TBC1D5: variants seen among roughly 807,000 people sequenced by gnomAD.
TBC1D5 encodes the protein TBC1 domain family member 5, also known as TBC1 domain family, member 5.
Under a neutral mutation model 100.3 loss-of-function variants are expected in TBC1D5, and 75 were observed. That is an observed-to-expected ratio of 0.75 (90% CI 0.62 to 0.91). The LOEUF (loss-of-function observed/expected upper bound fraction) is 0.91, where lower values mean the gene tolerates loss of function less well. Ranked by LOEUF, TBC1D5 falls within the 40% of genes least tolerant of loss-of-function variation. The pLI is 0.00. For missense variants in TBC1D5, 910 were observed against 942.4 expected, an observed-to-expected ratio of 0.97 and a Z score of 0.45; for synonymous variants, 323 against 325.6, an observed-to-expected ratio of 0.99 and a Z score of 0.09.
chr3:17,646,753 C>A (rs1225073611), intron 1 of TBC1D5, among the ~76,000 whole-genome samples: 2 of 152,080 alleles, frequency 1.3e-5, no homozygotes, highest in Admixed American at 6.6e-5. Flanking sequence ...TTGGTAGTAT[C>A]CATGGTCTCT....
chr3:17,406,068 T>C (rs574219970), intron 5 of TBC1D5, among the ~76,000 whole-genome samples: 2 of 152,120 alleles, frequency 1.3e-5, no homozygotes, highest in South Asian at 2.1e-4. Context: ...TTTGATATAA[T>C]AGGAACCTAA....
chr3:17,688,157 TA>T (rs1190605033), intron 1 of TBC1D5, among the ~76,000 whole-genome samples: 1 of 151,994 alleles, frequency 6.6e-6, no homozygotes. Flanking sequence ...CAGTATTAAA[TA>T]AAAAAATATA....
At chr3:17,633,305 G>C (rs1453424931) in intron 1 of TBC1D5, among the ~76,000 whole-genome samples, 1 of 152,072 alleles carries the variant, frequency 6.6e-6, no homozygotes, top group Non-Finnish European at 1.5e-5. Context: ...AGGTGTGGTG[G>C]TGCACACCTA....
chr3:17,583,002 G>A (rs948328801), intron 2 of TBC1D5, among the ~76,000 whole-genome samples: 8 of 151,880 alleles, frequency 5.3e-5, no homozygotes, highest in Admixed American at 2.6e-4. Context: ...AATAAAATAC[G>A]GGCCAGGAAT....
intron 3 of TBC1D5, among the ~76,000 whole-genome samples, chr3:17,486,720 TA>T (rs1225316479): frequency 9.8e-5 from 15 of 152,306 alleles, no homozygotes; most frequent in African/African-American, 3.6e-4. Context: ...TGTGGCATTT[TA>T]AGTAGCCCAC....
At chr3:17,197,497 C>T (rs2125737762) in intron 18 of TBC1D5, among the ~76,000 whole-genome samples, 1 of 152,238 alleles carries the variant, frequency 6.6e-6, no homozygotes, top group South Asian at 2.1e-4. Flanking sequence ...TCACCTCAAC[C>T]TCCCAAATAG....
At chr3:17,666,443 A>G (rs1475455143) in intron 1 of TBC1D5, among the ~76,000 whole-genome samples, 2 of 152,268 alleles carry the variant, frequency 1.3e-5, no homozygotes, top group South Asian at 2.1e-4. Context: ...TAGAATCACC[A>G]TTTCTAAAAT....
intron 3 of TBC1D5, among the ~76,000 whole-genome samples, chr3:17,475,829 A>T (rs1014334491): frequency 6.6e-6 from 1 of 152,084 alleles, no homozygotes; most frequent in Non-Finnish European, 1.5e-5. Context: ...ATTTTCTTGT[A>T]ATGCCAAGTT....
At chr3:17,287,623 T>C (rs1175207438) in intron 15 of TBC1D5, among the ~76,000 whole-genome samples, 2 of 152,234 alleles carry the variant, frequency 1.3e-5, no homozygotes, top group Non-Finnish European at 2.9e-5. Flanking sequence ...ATAGGGTTGT[T>C]GATTAATGTC....
chr3:17,713,736 T>C (rs2074980773), intron 1 of TBC1D5, among the ~76,000 whole-genome samples: 1 of 152,228 alleles, frequency 6.6e-6, no homozygotes. Flanking sequence ...TGAATACACA[T>C]ATCTCCAAAG....
intron 1 of TBC1D5, among the ~76,000 whole-genome samples, chr3:17,722,066 T>C (rs931815399): frequency 2.0e-5 from 3 of 152,196 alleles, no homozygotes; most frequent in Non-Finnish European, 4.4e-5. Context: ...ACCAACGTTA[T>C]GGGAAACTAA....
chr3:17,722,865 A>G (rs1271503706), intron 1 of TBC1D5, among the ~76,000 whole-genome samples: 1 of 152,168 alleles, frequency 6.6e-6, no homozygotes, highest in East Asian at 1.9e-4. Context: ...TGGATGAAAA[A>G]CACATCTCCC....
chr3:17,548,687 G>A (rs920120644), intron 2 of TBC1D5, among the ~76,000 whole-genome samples: 8 of 151,968 alleles, frequency 5.3e-5, no homozygotes, highest in African/African-American at 9.7e-5. Context: ...TTATTCCTCC[G>A]TGTAACAAAG....
At chr3:17,431,417 T>C (rs2094445768) in intron 3 of TBC1D5, among the ~76,000 whole-genome samples, 1 of 152,006 alleles carries the variant, frequency 6.6e-6, no homozygotes, top group Non-Finnish European at 1.5e-5. Context: ...ACTTTAAAGG[T>C]ATTTCAATAT....
At chr3:17,738,932 T>C (rs1325590361) in intron 1 of TBC1D5, among the ~76,000 whole-genome samples, 1 of 152,208 alleles carries the variant, frequency 6.6e-6, no homozygotes, top group East Asian at 1.9e-4. Flanking sequence ...ATGATAAACA[T>C]TTTCCTAAAC....
chr3:17,433,621 T>G (rs1446503022), intron 3 of TBC1D5, among the ~76,000 whole-genome samples: 1 of 152,070 alleles, frequency 6.6e-6, no homozygotes, highest in Admixed American at 6.6e-5. Context: ...GAGATTTGGG[T>G]GGGGGCACGG....
At chr3:17,257,252 T>C (rs1474471425) in intron 16 of TBC1D5, among the ~76,000 whole-genome samples, 1 of 152,194 alleles carries the variant, frequency 6.6e-6, no homozygotes, top group Non-Finnish European at 1.5e-5. Flanking sequence ...CTAACATACT[T>C]TGTTCTTTTA....
intron 9 of TBC1D5, among the ~76,000 whole-genome samples, chr3:17,383,075 T>C (rs953599999): frequency 6.6e-6 from 1 of 152,004 alleles, no homozygotes; most frequent in African/African-American, 2.4e-5. Context: ...TAATTAAAAA[T>C]GTACGATTTG....
chr3:17,547,195 T>A (rs2096425766), intron 2 of TBC1D5: 1 of 152,234 alleles, frequency 6.6e-6, no homozygotes, highest in Non-Finnish European at 1.5e-5. Flanking sequence ...AGAATCTGAC[T>A]TTATAATGAG....
Sources: gnomAD v4.1 joint callset for allele counts (sites outside exome capture counted in the v4.1 genomes callset) on GRCh38, gnomAD v4.1.1 for gene constraint, MANE v1.5 for transcripts, NCBI Gene and HGNC (gene_info 2026-07-23, HGNC 2026-07-21) for gene names.